The following ATG14 variants were observed in gnomAD, a reference collection of about 807,000 sequenced individuals.
ATG14 encodes autophagy related 14.
ATG14 carries 35 observed loss-of-function variants against 60.4 expected under a neutral mutation model. That is an observed-to-expected ratio of 0.58 (90% CI 0.44 to 0.77). The LOEUF (loss-of-function observed/expected upper bound fraction) is 0.77. ATG14 is among the 30% of genes least tolerant of loss of function. The pLI, the probability that ATG14 is intolerant of heterozygous loss-of-function variation, is 0.00. For synonymous variants in ATG14, 234 were observed against 228.8 expected, an observed-to-expected ratio of 1.02 and a Z score of -0.21; for missense variants, 647 against 626.3, an observed-to-expected ratio of 1.03 and a Z score of -0.35.
At chr14:55,398,632 TTG>T (rs145480754) in intron 1 of ATG14, among the ~76,000 whole-genome samples, 40,274 of 148,402 alleles carry the variant, frequency 0.27, 5,959 homozygotes, top group Non-Finnish European at 0.32. Context: ...ACAAAATATA[TTG>T]TGTGATTTCG....
chr14:55,379,183 AAT>A (rs1395763230), intron 7 of ATG14, among the ~76,000 whole-genome samples: 1 of 152,212 alleles, frequency 6.6e-6, no homozygotes, highest in Non-Finnish European at 1.5e-5. Context: ...GTACTTCATA[AAT>A]ATGTGTTACA....
chr14:55,385,941 G>T lies in ATG14; in HGVS notation c.565C>A (p.Arg189Ser). The change falls in exon 5 of 10, where the codon CGT (arginine) becomes AGT (serine). Residue 189 changes from arginine (R) to serine (S), a missense_variant. Transcript: ENST00000247178. ...TGGGATCGTCGAAGATTTGCCAGACGCTCATAATGACTTCTTAAGTCAATG... is the reference window on the plus strand; with the variant it reads ...TGGGATCGTCGAAGATTTGCCAGACTCTCATAATGACTTCTTAAGTCAATG... ...KTIDLRSHYE[R>S]LANLRRSHIL... 1.2e-6 allele frequency: 2 copies of T among 1,614,126 alleles called. No individual in the cohort carries two copies. Among genetic ancestry groups the T allele is most frequent in the Admixed American group, 1.7e-5 (1 of 59,998 alleles).
intron 9 of ATG14, among the ~76,000 whole-genome samples, chr14:55,375,816 A>G (rs1884908123): frequency 6.6e-6 from 1 of 152,242 alleles, no homozygotes; most frequent in Admixed American, 6.5e-5. Context: ...CAGCACTGAT[A>G]GTAGGCATCC....
At position 55,386,245 on chromosome 14, in the gene ATG14, TGA is replaced by T. The variant is rs1885124578; in HGVS notation, c.410-151_410-150del. On this transcript the variant is annotated intron_variant, in intron 4 of 9. Coordinates refer to ENST00000247178, the MANE Select transcript of ATG14 (RefSeq NM_014924.5). ...TATAATGTTCACTAAGTGGAAAATT[TGA>T]GAGTTTAGTTCAAGTAGATATTACA... is the stretch of plus-strand genomic sequence containing the variant. The T allele has an allele frequency of 9.2e-6, 6 of 650,452 alleles. No individual in the cohort carries two copies. The South Asian group carries it at 1.1e-4, about 12-fold the overall frequency. 40.3% of individuals were successfully genotyped at this position (650,452 alleles called of 1,614,324 possible). A position where few individuals can be genotyped will look rare whatever the true frequency, so the allele number is the denominator to read the frequency against.
rs1884679797 is a variant in ATG14 at position 55,366,402 on chromosome 14, G to T, written c.*3217C>A. The T allele has an allele frequency of 1.3e-5, 2 of 152,594 alleles. No individual in the cohort carries two copies. The highest frequency in any genetic ancestry group is 2.9e-5 in the Non-Finnish European group (2 of 68,018). 9.5% of individuals were successfully genotyped at this position (152,594 alleles called of 1,614,324 possible). A position where few individuals can be genotyped will look rare whatever the true frequency, so the allele number is the denominator to read the frequency against. On this transcript the variant is annotated 3_prime_UTR_variant, in exon 10 of 10. Coordinates refer to ENST00000247178, the MANE Select transcript of ATG14 (RefSeq NM_014924.5). ...ACACATGAGCAAAGTACTGTTAAAA[G>T]ATTTATTGCAGTAATACAATAAAAG...
At position 55,368,783 on chromosome 14, in the gene ATG14, G is replaced by A. The variant is rs1180054975; in HGVS notation, c.*836C>T. On this transcript the variant is annotated 3_prime_UTR_variant, in exon 10 of 10. Transcript: ENST00000247178. ...AGGCAGGCATTGAGCTTACATAAGGGAATGACCTTCATGACTTATTTTCAC... is the reference window on the plus strand; with the variant it reads ...AGGCAGGCATTGAGCTTACATAAGGAAATGACCTTCATGACTTATTTTCAC... 1 of 152,152 alleles carries A rather than the reference G, an allele frequency of 6.6e-6. No homozygotes were observed. Among genetic ancestry groups the A allele is most frequent in the Admixed American group, 6.5e-5 (1 of 15,268 alleles). The allele number at this position is 152,152 out of a possible 1,614,324, so 9.4% of individuals were successfully genotyped here. A position where few individuals can be genotyped will look rare whatever the true frequency, so the allele number is the denominator to read the frequency against.
At position 55,382,182 on chromosome 14, in the gene ATG14, T is replaced by A. The variant is rs1453153651; in HGVS notation, c.657A>T (p.Ala219=). ...EEVKTGVRDP[A]DVSSESDSAM... ...CACTGTCACTCTCTGAAGACACATC[T>A]GCGGGGTCTCTACAAGTAGGAAGAC... Residue 219 remains alanine, a synonymous_variant, in exon 6 of 10, where the codon GCA becomes GCT. Coordinates refer to ENST00000247178, the MANE Select transcript of ATG14 (RefSeq NM_014924.5). The A allele has an allele frequency of 2.5e-6, 4 of 1,614,072 alleles. No homozygotes were observed. The African/African-American group carries it at 5.3e-5, about 22-fold the overall frequency.
chr14:55,405,574 G>T (rs1885475128), intron 1 of ATG14, among the ~76,000 whole-genome samples: 1 of 152,154 alleles, frequency 6.6e-6, no homozygotes, highest in Non-Finnish European at 1.5e-5. Flanking sequence ...TTAATTCTCA[G>T]TCCCATTCCC....
chr14:55,377,374 T>TA (rs1055161383), intron 9 of ATG14, among the ~76,000 whole-genome samples: 6 of 152,004 alleles, frequency 3.9e-5, no homozygotes, highest in African/African-American at 1.2e-4. Context: ...TGTGAATTGT[T>TA]ACGACGGACA....
chr14:55,372,666 C>T (rs536845186), intron 9 of ATG14, among the ~76,000 whole-genome samples: 9 of 151,920 alleles, frequency 5.9e-5, no homozygotes, highest in Admixed American at 1.3e-4. Context: ...CTCCTTCCTT[C>T]GCTCCTCCCT....
intron 5 of ATG14, among the ~76,000 whole-genome samples, chr14:55,384,736 T>C (rs1392620872): frequency 6.6e-6 from 1 of 152,206 alleles, no homozygotes; most frequent in Non-Finnish European, 1.5e-5. Flanking sequence ...GAACGTCAGT[T>C]TCCAGGAAAA....
At chr14:55,380,545 G>T in intron 7 of ATG14, 28 bp downstream of exon 7, 1 of 1,403,862 alleles carries the variant, frequency 7.1e-7, no homozygotes, top group Non-Finnish European at 1.0e-6. Flanking sequence ...CCATGATAAA[G>T]ATGACATTAC....
chr14:55,408,779 T>C (rs754557375), intron 1 of ATG14, among the ~76,000 whole-genome samples: 1 of 151,874 alleles, frequency 6.6e-6, no homozygotes, highest in Non-Finnish European at 1.5e-5. Context: ...TCAAAAAAAA[T>C]AAAATAAAAT....
rs1194187375 is a variant in ATG14 at position 55,402,966 on chromosome 14, TATAA to T, written c.222-5536_222-5533del. On this transcript the variant is annotated intron_variant, in intron 1 of 9. Coordinates refer to ENST00000247178, the MANE Select transcript of ATG14 (RefSeq NM_014924.5). ...ATATATATATATATATATATATATA[TATAA>T]ATAGCTGGGCATAGTGGTGCATGGC... Among the ~76,000 whole-genome samples, 76 of 59,078 alleles carry T rather than the reference TATAA, an allele frequency of 1.3e-3. 2 individuals carry two copies. Among genetic ancestry groups the T allele is most frequent in the South Asian group, 2.0e-3 (3 of 1,488 alleles). The allele number at this position is 59,078 out of a possible 152,430, so 38.8% of individuals were successfully genotyped here.
intron 9 of ATG14, among the ~76,000 whole-genome samples, chr14:55,376,490 A>C (rs1257883023): frequency 2.0e-5 from 3 of 152,162 alleles, no homozygotes; most frequent in Non-Finnish European, 4.4e-5. Context: ...TTGTAAGTAT[A>C]TGTGCAGTTT....
chr14:55,393,185 T>C (rs1251371593), intron 3 of ATG14, among the ~76,000 whole-genome samples: 1 of 151,810 alleles, frequency 6.6e-6, no homozygotes, highest in Non-Finnish European at 1.5e-5. Flanking sequence ...ATTGAGACCA[T>C]CCTGGCTAAC....
intron 4 of ATG14, among the ~76,000 whole-genome samples, chr14:55,389,496 A>T (rs1000369373): frequency 2.0e-5 from 3 of 152,192 alleles, no homozygotes; most frequent in African/African-American, 7.2e-5. Context: ...AATGTTTTCA[A>T]TGGAAGCTTT....
intron 9 of ATG14, 112 bp downstream of exon 9, chr14:55,377,707 G>T: frequency 1.5e-6 from 1 of 658,086 alleles, no homozygotes; most frequent in African/African-American, 1.8e-5. Flanking sequence ...CACTATTTTT[G>T]TCCGGTTTGA....
chr14:55,388,934 T>C (rs958702969), intron 4 of ATG14, among the ~76,000 whole-genome samples: 2 of 152,054 alleles, frequency 1.3e-5, no homozygotes, highest in Non-Finnish European at 2.9e-5. Context: ...AAATACAGAG[T>C]AAGCACGTTG....
Sources: allele counts gnomAD v4.1 joint callset (sites outside exome capture counted in the v4.1 genomes callset), GRCh38; gene constraint gnomAD v4.1.1; transcripts MANE v1.5; gene names NCBI Gene and HGNC (gene_info 2026-07-23, HGNC 2026-07-21).